GCFC2: variants seen among roughly 807,000 people sequenced by gnomAD.
The protein encoded by GCFC2 is GC-rich sequence DNA-binding factor 2, also known as intron Large complex component GCFC2.
Under a neutral mutation model 99.4 loss-of-function variants are expected in GCFC2, and 102 were observed. That is an observed-to-expected ratio of 1.03 (90% CI 0.87 to 1.21). The LOEUF (loss-of-function observed/expected upper bound fraction) is 1.21. Among genes scored for constraint, GCFC2 ranks in the 50% most tolerant of loss-of-function variants. GCFC2 has a pLI of 0.00. For synonymous variants in GCFC2, 338 were observed against 316.8 expected (o/e 1.07, Z -0.71); for missense variants, 973 against 920.9 (o/e 1.06, Z -0.73).
At chr2:75,693,297 G>C (rs527683467) in intron 6 of GCFC2, among the ~76,000 whole-genome samples, 4 of 151,970 alleles carry the variant, frequency 2.6e-5, no homozygotes, top group Admixed American at 1.3e-4. Context: ...AACATTAGCT[G>C]GGTGTGGTGG....
intron 11 of GCFC2, 82 bp downstream of exon 11, chr2:75,687,745 C>A (rs1257385380): frequency 9.3e-7 from 1 of 1,076,542 alleles, no homozygotes; most frequent in East Asian, 2.4e-5. Context: ...TATGAAAAAA[C>A]TTTGTGAATA....
chr2:75,666,720 A>C (rs1202402882), intron 15 of GCFC2, among the ~76,000 whole-genome samples: 2 of 152,000 alleles, frequency 1.3e-5, no homozygotes, highest in Non-Finnish European at 2.9e-5. Flanking sequence ...AAGTAAAAAA[A>C]AAAAAAACTT....
chr2:75,695,893 A>G (rs563333317), intron 5 of GCFC2, among the ~76,000 whole-genome samples: 3 of 152,312 alleles, frequency 2.0e-5, no homozygotes, highest in Non-Finnish European at 4.4e-5. Context: ...ATGTCATCAC[A>G]CTACTTAGAA....
At chr2:75,674,089 TATC>T (rs1198463897) in intron 12 of GCFC2, among the ~76,000 whole-genome samples, 14 of 152,240 alleles carry the variant, frequency 9.2e-5, no homozygotes, top group Non-Finnish European at 1.5e-4. Context: ...CTCATTTAAT[TATC>T]ATTGAGTAAT....
chr2:75,668,335 TA>T (rs1163618336), intron 15 of GCFC2, among the ~76,000 whole-genome samples: 1 of 150,558 alleles, frequency 6.6e-6, no homozygotes, highest in African/African-American at 2.5e-5. Context: ...ATATAAGTGC[TA>T]AAGAAAACAA....
chr2:75,710,666 G>A lies in GCFC2; in HGVS notation c.190C>T (p.Pro64Ser), dbSNP rs753199741. The part of the protein sequence containing the change: ...VAGLPHRVRG[P>S]RGRGRVWASS... ...GCCCAGACCCGGCCCCGGCCACGAGGGCCCCGAACCCGGTGGGGCAGTCCC... is the reference window on the plus strand; with the variant it reads ...GCCCAGACCCGGCCCCGGCCACGAGAGCCCCGAACCCGGTGGGGCAGTCCC... The change falls in exon 1 of 17, where the codon CCT (proline) becomes TCT (serine). Residue 64 changes from proline (P) to serine (S), a missense_variant. Pro to Ser is a moderately conservative substitution (Grantham distance 74). Coordinates refer to ENST00000321027, the MANE Select transcript of GCFC2 (RefSeq NM_003203.5). The A allele has an allele frequency of 2.0e-6, 3 of 1,519,970 alleles. No homozygotes were observed. Among genetic ancestry groups the A allele is most frequent in the Admixed American group, 2.0e-5 (1 of 49,920 alleles). The allele number at this position is 1,519,970 out of a possible 1,614,324, so 94.2% of individuals were successfully genotyped here. A position where few individuals can be genotyped will look rare whatever the true frequency, so the allele number is the denominator to read the frequency against.
chr2:75,696,347 C>G, intron 4 of GCFC2, 32 bp from the exon 5 acceptor site: 1 of 881,006 alleles, frequency 1.1e-6, no homozygotes, highest in Non-Finnish European at 1.9e-6. Context: ...TTTACAAAAC[C>G]ATTTATTTCA....
upstream of GCFC2, among the ~76,000 whole-genome samples, chr2:75,711,908 C>G (rs1422501748): frequency 6.6e-6 from 1 of 152,266 alleles, no homozygotes; most frequent in Non-Finnish European, 1.5e-5. Context: ...AGCACCACCC[C>G]CTGCTCCACG....
intron 11 of GCFC2, among the ~76,000 whole-genome samples, chr2:75,683,197 A>G (rs955839811): frequency 6.6e-6 from 1 of 151,860 alleles, no homozygotes; most frequent in Non-Finnish European, 1.5e-5. Context: ...CCAGAAAGAA[A>G]GGTTGGGTTA....
chr2:75,709,407 A>C (rs144810507), intron 1 of GCFC2, among the ~76,000 whole-genome samples: 153 of 152,354 alleles, frequency 1.0e-3, no homozygotes, highest in African/African-American at 3.4e-3. Flanking sequence ...GAAATCACGA[A>C]GATCATAAAC....
In GCFC2 at chr2:75,710,836, C is replaced by G. The variant is rs778641042; in HGVS notation, c.20G>C (p.Arg7Thr). The G allele has an allele frequency of 3.7e-5, 59 of 1,576,056 alleles. No individual in the cohort carries two copies. The African/African-American group carries it at 6.3e-4, about 17-fold the overall frequency. Residue 7 changes from arginine (R) to threonine (T), a missense_variant, in exon 1 of 17, where the codon AGG becomes ACG. Coordinates refer to ENST00000321027, the MANE Select transcript of GCFC2 (RefSeq NM_003203.5). MAHRPK[R>T]TFRQRAADSS... is the part of the protein sequence containing the mutation. The stretch of plus-strand genomic sequence containing the variant: ...ATCAGCCGCGCGCTGCCGAAAAGTC[C>G]TTTTCGGCCTGTGAGCCATGGCCGA...
At chr2:75,692,827 G>A (rs116156877) in intron 6 of GCFC2, among the ~76,000 whole-genome samples, 93 of 152,108 alleles carry the variant, frequency 6.1e-4, no homozygotes, top group Middle Eastern at 3.4e-3. Context: ...TTGAAAAATC[G>A]GGGAATGGAG....
intron 12 of GCFC2, among the ~76,000 whole-genome samples, chr2:75,677,694 C>T (rs546518371): frequency 4.3e-4 from 66 of 152,222 alleles, no homozygotes; most frequent in Admixed American, 1.6e-3. Context: ...TAAAAACATC[C>T]ATTATAAAAA....
At chr2:75,701,805 G>T (rs2104400775) in intron 3 of GCFC2, 1 of 907,734 alleles carries the variant, frequency 1.1e-6, no homozygotes, top group Non-Finnish European at 1.3e-6. Flanking sequence ...ATTATTGGTA[G>T]AGGAAATTTT....
Position 75,702,283 on chromosome 2 carries a change from C to T in GCFC2, c.535G>A (p.Glu179Lys), listed in dbSNP as rs1573090286. The part of the protein sequence containing the change: ...GMKRESEDDP[E>K]SEPDDHEKRI... ...TTTTCATGGTCATCAGGCTCACTCT[C>T]AGGGTCATCTTCGCTCTCTCTCTTC... The change falls in exon 3 of 17, where the codon GAG (glutamate) becomes AAG (lysine). Residue 179 changes from glutamate to lysine, a missense_variant. Coordinates refer to ENST00000321027, the MANE Select transcript of GCFC2 (RefSeq NM_003203.5). 1.9e-6 allele frequency: 3 copies of T among 1,613,726 alleles called. No homozygotes were observed. The highest frequency in any genetic ancestry group is 2.5e-6 in the Non-Finnish European group (3 of 1,179,626).
chr2:75,666,713 TAA>T (rs879656710), intron 15 of GCFC2, among the ~76,000 whole-genome samples: 2 of 127,978 alleles, frequency 1.6e-5, no homozygotes. Context: ...ATTTAAAAAG[TAA>T]AAAAAAAAAA....
chr2:75,710,599 T>G lies in GCFC2; in HGVS notation c.257A>C (p.Glu86Ala), dbSNP rs1355730526. 6.6e-7 allele frequency: 1 copy of G among 1,514,338 alleles called. No homozygotes were observed. Among genetic ancestry groups the G allele is most frequent in the South Asian group, 1.2e-5 (1 of 81,856 alleles). 93.8% of individuals were successfully genotyped at this position (1,514,338 alleles called of 1,614,324 possible). A position where few individuals can be genotyped will look rare whatever the true frequency, so the allele number is the denominator to read the frequency against. The change falls in exon 1 of 17, where the codon GAA becomes GCA. Residue 86 changes from glutamate (E) to alanine (A), a missense_variant. Coordinates refer to ENST00000321027, the MANE Select transcript of GCFC2 (RefSeq NM_003203.5). ...RATKAAPRAD[E>A]GSESRTLDVS... ...CGCGTCTCCCTGGACACCTGAGCCTTCGTCCGCGCGGGGAGCCGCTTTGGT... is the reference window on the plus strand; with the variant it reads ...CGCGTCTCCCTGGACACCTGAGCCTGCGTCCGCGCGGGGAGCCGCTTTGGT...
chr2:75,705,616 C>CAAAAAAAAAA (rs34447327), intron 2 of GCFC2, among the ~76,000 whole-genome samples: 3 of 84,318 alleles, frequency 3.6e-5, no homozygotes, highest in Admixed American at 1.6e-4. Context: ...GACTCCATCT[C>CAAAAAAAAAA]AAAAAAAAAA....
chr2:75,712,706 C>G (rs150211931), upstream of GCFC2, among the ~76,000 whole-genome samples: 3,281 of 152,118 alleles, frequency 0.022, 110 homozygotes, highest in African/African-American at 0.075. Context: ...AGCTTCATTC[C>G]TGAGCCCAGC....
Sources: allele counts gnomAD v4.1 joint callset (sites outside exome capture counted in the v4.1 genomes callset), GRCh38; gene constraint gnomAD v4.1.1; transcripts MANE v1.5; gene names NCBI Gene and HGNC (gene_info 2026-07-23, HGNC 2026-07-21).